KIAA0930: variants seen among roughly 807,000 people sequenced by gnomAD.
The protein encoded by KIAA0930 is uncharacterized protein KIAA0930.
A neutral mutation model predicts 43.9 loss-of-function variants in KIAA0930; 24 were observed. The observed-to-expected ratio is 0.55, with a 90% CI of 0.40 to 0.77. KIAA0930 has a LOEUF of 0.77. Ranked by LOEUF, KIAA0930 falls within the 30% of genes least tolerant of loss-of-function variation. The pLI is 0.00. For missense variants in KIAA0930, 461 were observed against 574.2 expected (o/e 0.80, Z 2.02); for synonymous variants, 259 against 216.4 (o/e 1.20, Z -1.73).
rs1601810876 is a variant in KIAA0930 at position 45,203,919 on chromosome 22, T to G, written c.583A>C (p.Thr195Pro). Residue 195 changes from threonine (T) to proline (P), a missense_variant, in exon 6 of 10, where the codon ACC (threonine) becomes CCC (proline). Transcript: ENST00000336156. ...VCVELVASDK[T>P]NTFQGVIFQG... ...AAGATGACCCCCTGGAACGTGTTGG[T>G]TTTGTCACTAGCCACCAGCTCCACA... The G allele has an allele frequency of 6.2e-7, 1 of 1,613,932 alleles. No homozygotes were observed.
intron 1 of KIAA0930, among the ~76,000 whole-genome samples, chr22:45,215,570 C>A (rs16993700): frequency 0.1 from 15,471 of 152,212 alleles, 876 homozygotes; most frequent in East Asian, 0.2. Flanking sequence ...GACATTTCCC[C>A]GAGGTAAAGC....
intron 7 of KIAA0930, among the ~76,000 whole-genome samples, chr22:45,200,509 G>A (rs753481437): frequency 2.0e-5 from 3 of 152,098 alleles, no homozygotes; most frequent in Admixed American, 2.0e-4. Context: ...CAAGCAGGAC[G>A]GCAGCAGCCC....
rs746258247 is a variant in KIAA0930 at position 45,205,683 on chromosome 22, C to T, written c.361G>A (p.Val121Met). ...TCCCCGCCGTCAGCACGTGTGCACA[C>T]CGCACAGGTCACCATGTAGTCCAGC... Reference protein sequence around the residue: ...QKLDYMVTCAVCTRADGGDIH... With the variant: ...QKLDYMVTCAMCTRADGGDIH... The change falls in exon 4 of 10, where the codon GTG (valine) becomes ATG (methionine). Residue 121 changes from valine to methionine, a missense_variant. Val to Met is a conservative substitution (Grantham distance 21). Transcript: ENST00000336156. 6.2e-7 allele frequency: 1 copy of T among 1,614,140 alleles called. No individual in the cohort carries two copies. Among genetic ancestry groups the T allele is most frequent in the Non-Finnish European group, 8.5e-7 (1 of 1,180,030 alleles).
At chr22:45,213,370 G>A in intron 1 of KIAA0930, 1 of 1,303,566 alleles carries the variant, frequency 7.7e-7, no homozygotes, top group Non-Finnish European at 1.0e-6. Context: ...GTGAGAGGGA[G>A]GAAAAGAGAA....
intron 8 of KIAA0930, among the ~76,000 whole-genome samples, chr22:45,199,274 A>T (rs2083564565): frequency 6.6e-6 from 1 of 152,128 alleles, no homozygotes; most frequent in African/African-American, 2.4e-5. Flanking sequence ...GGTGCTCAGG[A>T]GAGAGTGCAG....
intron 1 of KIAA0930, among the ~76,000 whole-genome samples, chr22:45,225,381 G>C (rs906655450): frequency 3.9e-5 from 6 of 152,140 alleles, no homozygotes; most frequent in East Asian, 1.9e-4. Flanking sequence ...TCTGACCAAA[G>C]GGAAGCGTGG....
intron 1 of KIAA0930, among the ~76,000 whole-genome samples, chr22:45,222,584 C>CAA (rs199854239): frequency 0.02 from 3,083 of 152,098 alleles, 104 homozygotes; most frequent in African/African-American, 0.07. Flanking sequence ...GCTGGGATTA[C>CAA]AAGCATGAGC....
In KIAA0930 at chr22:45,205,638, T is replaced by A. The variant is rs1323726658; in HGVS notation, c.406A>T (p.Lys136Ter). Residue 136 changes from lysine to a stop codon, truncating the protein, a stop_gained, in exon 4 of 10, where the codon AAA (lysine) becomes TAA (stop). Transcript: ENST00000336156. LOFTEE classifies it high-confidence loss of function. ...CTCGTGCCAGGGCTCACCTGAGATT[T>A]CTTCTTATGGATGTGAATGTCCCCG... Reference protein sequence around the residue: ...DGGDIHIHKKKSQQVFASPSK... With the variant: ...DGGDIHIHKK 1 of 1,613,946 alleles carries A rather than the reference T, an allele frequency of 6.2e-7. No homozygotes were observed. Among genetic ancestry groups the A allele is most frequent in the Admixed American group, 1.7e-5 (1 of 60,014 alleles).
chr22:45,198,036 C>A, intron 8 of KIAA0930, 88 bp from the exon 9 acceptor site: 1 of 1,379,866 alleles, frequency 7.2e-7, no homozygotes, highest in Non-Finnish European at 1.0e-6. Flanking sequence ...AGGCTGAGGC[C>A]AAACTCTGCT....
chr22:45,223,651 C>A (rs950516443), intron 1 of KIAA0930, among the ~76,000 whole-genome samples: 2 of 148,018 alleles, frequency 1.4e-5, no homozygotes, highest in African/African-American at 5.3e-5. Flanking sequence ...AAGGTCAGCA[C>A]TAAGCCAGCA....
Position 45,210,636 on chromosome 22 carries a change from C to A in KIAA0930, c.216+1320G>T, listed in dbSNP as rs2083684258. ...AAAGCTGGTCTCTCGATTGTACACC[C>A]AGACAGGGCGGGCGTGGCAGCAGGT... On this transcript the variant is annotated intron_variant, in intron 2 of 9. Transcript: ENST00000336156. Among the ~76,000 whole-genome samples, 2 of 152,208 alleles carry A rather than the reference C, an allele frequency of 1.3e-5. 1 individual carries two copies. The highest frequency in any genetic ancestry group is 4.1e-4 in the South Asian group (2 of 4,834).
At chr22:45,211,846 C>T in intron 2 of KIAA0930, 110 bp downstream of exon 2, 1 of 1,073,204 alleles carries the variant, frequency 9.3e-7, no homozygotes, top group Non-Finnish European at 1.4e-6. Flanking sequence ...TATCACTCAC[C>T]CTCTTTGATA....
chr22:45,227,427 C>T (rs570832199), intron 1 of KIAA0930, among the ~76,000 whole-genome samples: 1 of 151,942 alleles, frequency 6.6e-6, no homozygotes, highest in Non-Finnish European at 1.5e-5. Context: ...CAGGCCCACC[C>T]AGGAAAAAAA....
intron 2 of KIAA0930, among the ~76,000 whole-genome samples, chr22:45,207,123 C>T (rs1239579860): frequency 6.6e-6 from 1 of 151,296 alleles, no homozygotes; most frequent in Non-Finnish European, 1.5e-5. Context: ...TCTCCTGCCC[C>T]AGCCTCCCAA....
Position 45,192,454 on chromosome 22 carries a change from C to A in KIAA0930, c.*4722G>T, listed in dbSNP as rs978992869. 1 of 152,180 alleles carries A rather than the reference C, an allele frequency of 6.6e-6. No individual in the cohort carries two copies. The highest frequency in any genetic ancestry group is 1.5e-5 in the Non-Finnish European group (1 of 68,030). 9.4% of individuals were successfully genotyped at this position (152,180 alleles called of 1,614,324 possible). A position where few individuals can be genotyped will look rare whatever the true frequency, so the allele number is the denominator to read the frequency against. On this transcript the variant is annotated 3_prime_UTR_variant, in exon 10 of 10. Transcript: ENST00000336156. ...TGAGCTATCCAGTGGAGGCCAGCATCGTGTTTTTGCTAAAATACATGTTGT... is the reference window on the plus strand; with the variant it reads ...TGAGCTATCCAGTGGAGGCCAGCATAGTGTTTTTGCTAAAATACATGTTGT...
In KIAA0930 at chr22:45,200,033, C is replaced by T. The variant is rs1487991931; in HGVS notation, c.855G>A (p.Val285=). 13 of 1,585,502 alleles carry T rather than the reference C, an allele frequency of 8.2e-6. No homozygotes were observed. The highest frequency in any genetic ancestry group is 1.0e-5 in the Non-Finnish European group (12 of 1,166,674). Residue 285 remains valine (V), a splice_region_variant and synonymous_variant, in exon 8 of 10, where the codon GTG becomes GTA. Coordinates refer to ENST00000336156, the MANE Select transcript of KIAA0930 (RefSeq NM_001009880.2). ...SSPASPMHER[V]TSFSTPPTPE... The stretch of plus-strand genomic sequence containing the variant: ...GGGTGGGGGGTGTGCTGAAGGAGGT[C>T]ACCTGGGAACAAGCAGCCAAAGTCA...
chr22:45,220,096 A>G (rs902291503), intron 1 of KIAA0930, among the ~76,000 whole-genome samples: 1 of 152,186 alleles, frequency 6.6e-6, no homozygotes, highest in Admixed American at 6.5e-5. Flanking sequence ...AATAGTATTT[A>G]AAAGAATCCA....
At chr22:45,197,355 G>A (rs2083546460) in intron 9 of KIAA0930, 139 bp from the exon 10 acceptor site, 3 of 727,418 alleles carry the variant, frequency 4.1e-6, no homozygotes, top group Non-Finnish European at 4.6e-6. Context: ...AGACTGCAGA[G>A]GAGACGTGTC....
At chr22:45,211,495 A>G (rs1304763496) in intron 2 of KIAA0930, 5 of 404,346 alleles carry the variant, frequency 1.2e-5, no homozygotes, top group Middle Eastern at 6.2e-4. Flanking sequence ...GAGGCTAAGA[A>G]GAAGAGAGCT....
Sources: gnomAD v4.1 joint callset for allele counts (sites outside exome capture counted in the v4.1 genomes callset) on GRCh38, gnomAD v4.1.1 for gene constraint, MANE v1.5 for transcripts, NCBI Gene and HGNC (gene_info 2026-07-23, HGNC 2026-07-21) for gene names.